Variants in CDYL2 observed in about 807,000 individuals in gnomAD.
CDYL2 encodes chromodomain Y like 2.
In CDYL2, 23 loss-of-function variants were observed where a neutral mutation model predicts 49.4. The observed-to-expected ratio is 0.47, with a 90% CI of 0.34 to 0.66. The LOEUF (loss-of-function observed/expected upper bound fraction) is 0.66. CDYL2 is among the 30% of genes least tolerant of loss of function. The pLI is 0.01. For synonymous variants in CDYL2, 360 were observed against 268.8 expected (o/e 1.34, Z -3.32); for missense variants, 678 against 656.4 (o/e 1.03, Z -0.36).
intron 2 of CDYL2, among the ~76,000 whole-genome samples, chr16:80,649,998 C>T (rs1040457339): frequency 1.3e-3 from 193 of 152,260 alleles, no homozygotes; most frequent in African/African-American, 4.3e-3. Flanking sequence ...AATCTGAGAC[C>T]TCAAACTATG....
chr16:80,627,153 C>G (rs1423415845), intron 3 of CDYL2, among the ~76,000 whole-genome samples: 2 of 152,164 alleles, frequency 1.3e-5, no homozygotes, highest in Non-Finnish European at 2.9e-5. Flanking sequence ...TCCAGCCTAT[C>G]TGGGTATAAG....
intron 2 of CDYL2, among the ~76,000 whole-genome samples, chr16:80,674,308 G>C (rs1432538002): frequency 6.6e-6 from 1 of 152,004 alleles, no homozygotes; most frequent in African/African-American, 2.4e-5. Flanking sequence ...GGGGGCTGTC[G>C]AGGAAATTCA....
intron 1 of CDYL2, among the ~76,000 whole-genome samples, chr16:80,776,210 T>C (rs1465545467): frequency 2.6e-5 from 4 of 152,116 alleles, no homozygotes; most frequent in Admixed American, 6.5e-5. Flanking sequence ...AGTTTCTCTG[T>C]CAATTTTCAA....
intron 1 of CDYL2, chr16:80,735,233 T>C (rs868160448): frequency 6.6e-5 from 10 of 152,334 alleles, no homozygotes; most frequent in African/African-American, 2.2e-4. Context: ...GAATAGATCA[T>C]GCCCAAGCTA....
chr16:80,657,580 T>C (rs1908864529), intron 2 of CDYL2, among the ~76,000 whole-genome samples: 1 of 151,744 alleles, frequency 6.6e-6, no homozygotes, highest in South Asian at 2.1e-4. Context: ...ACAAAGAAAA[T>C]TAAAACTACA....
At chr16:80,800,175 T>C (rs1412244782) in intron 1 of CDYL2, among the ~76,000 whole-genome samples, 2 of 152,248 alleles carry the variant, frequency 1.3e-5, no homozygotes, top group Admixed American at 6.5e-5. Context: ...GCTGATTTTC[T>C]AGCTTCAAGA....
chr16:80,651,320 T>C (rs1908573439), intron 2 of CDYL2, among the ~76,000 whole-genome samples: 1 of 152,182 alleles, frequency 6.6e-6, no homozygotes, highest in Non-Finnish European at 1.5e-5. Context: ...TAAATGCGTA[T>C]TACTAAGTTA....
chr16:80,783,084 G>A lies in CDYL2; in HGVS notation c.24+21066C>T, dbSNP rs192603337. Among the ~76,000 whole-genome samples the A allele has an allele frequency of 6.6e-5, 10 of 152,132 alleles. No individual in the cohort carries two copies. In the East Asian group the frequency reaches 9.7e-4, roughly 15 times the overall value. On this transcript the variant is annotated intron_variant, in intron 1 of 6. Transcript: ENST00000570137. ...CTACAATTTGTGTGCATCAAAGGACGTTGTTAAAAGAGAGTGAAAAGATAA... is the reference window on the plus strand; with the variant it reads ...CTACAATTTGTGTGCATCAAAGGACATTGTTAAAAGAGAGTGAAAAGATAA...
intron 1 of CDYL2, among the ~76,000 whole-genome samples, chr16:80,709,557 A>AAT (rs1239727759): frequency 8.2e-6 from 1 of 121,802 alleles, no homozygotes; most frequent in African/African-American, 3.3e-5. Context: ...TGCAGGAATA[A>AAT]ACAGACACAC....
chr16:80,642,917 C>T (rs1908166247), intron 2 of CDYL2, among the ~76,000 whole-genome samples: 1 of 152,050 alleles, frequency 6.6e-6, no homozygotes, highest in Admixed American at 6.6e-5. Context: ...ACCCCCAGCC[C>T]CTCCAAATCT....
intron 1 of CDYL2, among the ~76,000 whole-genome samples, chr16:80,771,291 T>C (rs535619321): frequency 1.3e-5 from 2 of 152,236 alleles, no homozygotes; most frequent in Non-Finnish European, 2.9e-5. Context: ...AGATGAGAAC[T>C]GGCAAAAATA....
intron 1 of CDYL2, among the ~76,000 whole-genome samples, chr16:80,776,109 T>C (rs1907074193): frequency 6.6e-6 from 1 of 152,052 alleles, no homozygotes; most frequent in Non-Finnish European, 1.5e-5. Flanking sequence ...CCCACGTTAA[T>C]TCTTCAGTAA....
At chr16:80,686,891 C>A (rs1372098477) in intron 1 of CDYL2, among the ~76,000 whole-genome samples, 1 of 152,178 alleles carries the variant, frequency 6.6e-6, no homozygotes, top group Non-Finnish European at 1.5e-5. Flanking sequence ...TATTAAACGT[C>A]CTGGGAACAG....
chr16:80,765,126 G>T (rs565078972), intron 1 of CDYL2, among the ~76,000 whole-genome samples: 1 of 124,572 alleles, frequency 8.0e-6, no homozygotes, highest in Admixed American at 8.8e-5. Flanking sequence ...ATAACATATA[G>T]TACTATATAA....
rs1196913078 is a variant in CDYL2 at position 80,601,266 on chromosome 16, G to A, written c.*3122C>T. 2 of 152,232 alleles carry A rather than the reference G, an allele frequency of 1.3e-5. No individual in the cohort carries two copies. The highest frequency in any genetic ancestry group is 2.4e-5 in the African/African-American group (1 of 41,444). 9.4% of individuals were successfully genotyped at this position (152,232 alleles called of 1,614,324 possible). A position where few individuals can be genotyped will look rare whatever the true frequency, so the allele number is the denominator to read the frequency against. The stretch of plus-strand genomic sequence containing the variant: ...TGAGAGTGAGCCATCACCGGGGTTG[G>A]GGCAGAGAGGGAAGGAGAGTTCCAC... On this transcript the variant is annotated 3_prime_UTR_variant, in exon 7 of 7. Transcript: ENST00000570137.
At chr16:80,730,612 A>G (rs989359098) in intron 1 of CDYL2, among the ~76,000 whole-genome samples, 3 of 152,164 alleles carry the variant, frequency 2.0e-5, no homozygotes, top group Admixed American at 6.5e-5. Context: ...TGAGGCCAGC[A>G]TCATCCTGAT....
chr16:80,783,896 G>A (rs1597132217), intron 1 of CDYL2, among the ~76,000 whole-genome samples: 1 of 152,282 alleles, frequency 6.6e-6, no homozygotes, highest in Non-Finnish European at 1.5e-5. Context: ...GCCCGGGGCT[G>A]GGAAAACAGC....
At chr16:80,607,034 A>T (rs1200011078) in intron 6 of CDYL2, among the ~76,000 whole-genome samples, 1 of 152,172 alleles carries the variant, frequency 6.6e-6, no homozygotes, top group Non-Finnish European at 1.5e-5. Context: ...CAGGATTTTC[A>T]GTCCTCACAC....
intron 1 of CDYL2, among the ~76,000 whole-genome samples, chr16:80,782,452 G>C (rs1046081579): frequency 2.8e-5 from 4 of 143,438 alleles, no homozygotes; most frequent in African/African-American, 1.0e-4. Context: ...CTTCTAAAAA[G>C]CTAAAAGGGA....
Sources: allele counts gnomAD v4.1 joint callset (sites outside exome capture counted in the v4.1 genomes callset), GRCh38; gene constraint gnomAD v4.1.1; transcripts MANE v1.5; gene names NCBI Gene and HGNC (gene_info 2026-07-23, HGNC 2026-07-21).